Variants in GLB1L3 observed in about 807,000 individuals in gnomAD.
GLB1L3 encodes galactosidase beta 1 like 3.
GLB1L3 carries 89 observed loss-of-function variants against 89.5 expected under a neutral mutation model. The ratio of observed to expected loss-of-function variants is 0.99; its 90% CI spans 0.84 to 1.19. The LOEUF is 1.19. Among genes scored for constraint, GLB1L3 ranks in the 50% most tolerant of loss-of-function variants. The probability of loss-of-function intolerance (pLI) is 0.00; values close to 1 mark genes in which losing one functional copy is unlikely to be tolerated. For missense variants in GLB1L3, 812 were observed against 813.3 expected (o/e 1.00, Z 0.02); for synonymous variants, 314 against 312.3 (o/e 1.01, Z -0.06).
chr11:134,281,447 T>C lies in GLB1L3; in HGVS notation c.431+2T>C. 1 of 1,609,542 alleles carries C rather than the reference T, an allele frequency of 6.2e-7. No individual in the cohort carries two copies. Among genetic ancestry groups the C allele is most frequent in the Admixed American group, 1.7e-5 (1 of 59,814 alleles). On this transcript the variant is annotated splice_donor_variant, in intron 4 of 19. Transcript: ENST00000431683. LOFTEE classifies it high-confidence loss of function. ...CTTCTCTGGGAACCTGGACCTGGAG[T>C]ATGTGGTGTTGCTGCTTCTGTGCCC...
chr11:134,299,123 C>T (rs76096443), intron 9 of GLB1L3, among the ~76,000 whole-genome samples: 2,037 of 152,022 alleles, frequency 0.013, 51 homozygotes, highest in African/African-American at 0.047. Flanking sequence ...TTTTTCGTTT[C>T]TCTTGCTATG....
chr11:134,288,556 T>G (rs1479775402), intron 6 of GLB1L3, among the ~76,000 whole-genome samples: 1 of 152,112 alleles, frequency 6.6e-6, no homozygotes, highest in Non-Finnish European at 1.5e-5. Flanking sequence ...AAGTAGCCAG[T>G]GTGAGAACCA....
intron 9 of GLB1L3, among the ~76,000 whole-genome samples, chr11:134,293,537 C>T (rs1941474397): frequency 6.6e-6 from 1 of 152,048 alleles, no homozygotes; most frequent in Non-Finnish European, 1.5e-5. Flanking sequence ...GGAGGCCTCC[C>T]AGGGAGTTCT....
intron 5 of GLB1L3, 102 bp downstream of exon 5, chr11:134,282,222 G>A: frequency 7.4e-7 from 1 of 1,346,894 alleles, no homozygotes; most frequent in Non-Finnish European, 1.0e-6. Context: ...TTTATTCACG[G>A]AGCCGATGGG....
intron 10 of GLB1L3, 25 bp downstream of exon 10, chr11:134,307,233 C>G (rs376945771): frequency 6.5e-7 from 1 of 1,549,158 alleles, no homozygotes; most frequent in South Asian, 1.1e-5. Context: ...GTGTTTGACT[C>G]CAGGAAGAGA....
intron 10 of GLB1L3, 81 bp downstream of exon 10, chr11:134,307,289 T>C: frequency 3.1e-6 from 3 of 980,240 alleles, no homozygotes; most frequent in Non-Finnish European, 4.7e-6. Context: ...TCTCTGCTAA[T>C]TGATTCACTT....
At chr11:134,308,196 T>TCACCACCACCAC (rs1565412226) in intron 10 of GLB1L3, among the ~76,000 whole-genome samples, 16 of 68,812 alleles carry the variant, frequency 2.3e-4, no homozygotes, top group African/African-American at 4.2e-4. Flanking sequence ...ATCATCACCA[T>TCACCACCACCAC]CACCACTACC....
At chr11:134,281,284 A>T in intron 3 of GLB1L3, 93 bp from the exon 4 acceptor site, 1 of 1,368,958 alleles carries the variant, frequency 7.3e-7, no homozygotes, top group Non-Finnish European at 1.0e-6. Flanking sequence ...AAATAGAGCT[A>T]TGCATGGTTT....
Position 134,313,381 on chromosome 11 carries a change from G to T in GLB1L3, c.1501-15G>T. On this transcript the variant is annotated splice_polypyrimidine_tract_variant and intron_variant, in intron 15 of 19. Coordinates refer to ENST00000431683, the MANE Select transcript of GLB1L3 (RefSeq NM_001080407.3). ...CATGGCTGCGTGGTCTCCATGACCT[G>T]GCCTGTCCCAGCAGGACTGCCGATA... is the stretch of plus-strand genomic sequence containing the variant. The T allele has an allele frequency of 6.4e-7, 1 of 1,567,022 alleles. No individual in the cohort carries two copies. The highest frequency in any genetic ancestry group is 8.7e-7 in the Non-Finnish European group (1 of 1,155,318).
intron 3 of GLB1L3, among the ~76,000 whole-genome samples, chr11:134,279,614 C>A (rs1475957873): frequency 6.6e-6 from 1 of 152,160 alleles, no homozygotes; most frequent in South Asian, 2.1e-4. Context: ...GATCCGCCTG[C>A]CTCGGCCTCC....
chr11:134,296,556 A>G (rs1343124671), intron 9 of GLB1L3, among the ~76,000 whole-genome samples: 15 of 146,120 alleles, frequency 1.0e-4, no homozygotes, highest in African/African-American at 3.8e-4. Context: ...CATGGATGAA[A>G]TTGGAAATCA....
At chr11:134,296,557 T>G (rs1204790101) in intron 9 of GLB1L3, among the ~76,000 whole-genome samples, 1 of 144,564 alleles carries the variant, frequency 6.9e-6, no homozygotes, top group Non-Finnish European at 1.5e-5. Flanking sequence ...ATGGATGAAA[T>G]TGGAAATCAT....
intron 6 of GLB1L3, among the ~76,000 whole-genome samples, chr11:134,286,936 G>A (rs1425192667): frequency 1.3e-5 from 2 of 151,160 alleles, no homozygotes; most frequent in African/African-American, 2.4e-5. Flanking sequence ...CGAGGTGGGT[G>A]GATCACGAGG....
intron 18 of GLB1L3, among the ~76,000 whole-genome samples, chr11:134,315,683 T>C (rs1025461054): frequency 3.3e-5 from 5 of 152,194 alleles, no homozygotes; most frequent in Non-Finnish European, 7.3e-5. Context: ...CACTCTTTTT[T>C]CTTGATAATT....
rs1363030070 is a variant in GLB1L3 at position 134,278,879 on chromosome 11, T to C, written c.362+967T>C. ...GGACAATATAGTTTTTCTTCACTGT[T>C]CTTTTGAATTGCTGAATTACAACGG... is the stretch of plus-strand genomic sequence containing the variant. On this transcript the variant is annotated intron_variant, in intron 3 of 19. Transcript: ENST00000431683. Among the ~76,000 whole-genome samples the C allele has an allele frequency of 2.6e-5, 4 of 152,216 alleles. No individual in the cohort carries two copies. The East Asian group carries it at 7.7e-4, about 29-fold the overall frequency.
intron 10 of GLB1L3, 125 bp from the exon 11 acceptor site, chr11:134,309,501 G>T: frequency 3.6e-6 from 2 of 550,712 alleles, no homozygotes; most frequent in Non-Finnish European, 6.1e-6. Context: ...AATGTATATA[G>T]CCGTGAAGCG....
At chr11:134,308,203 TA>T in intron 10 of GLB1L3, among the ~76,000 whole-genome samples, 1 of 30,670 alleles carries the variant, frequency 3.3e-5, no homozygotes, top group East Asian at 1.1e-3. Flanking sequence ...CCATCACCAC[TA>T]CCACCACCAC....
In GLB1L3 at chr11:134,310,633, C is replaced by A. The variant is rs764373929; in HGVS notation, c.1162C>A (p.Leu388Ile). Residue 388 changes from leucine to isoleucine, a missense_variant, in exon 12 of 20, where the codon CTC becomes ATC. Leu to Ile is a conservative substitution (Grantham distance 5, BLOSUM62 2). This residue lies in a region of GLB1L3 where 618 missense variants were observed against 604.0 expected (regional missense o/e 1.02). Coordinates refer to ENST00000431683, the MANE Select transcript of GLB1L3 (RefSeq NM_001080407.3). ...YTEKYLKLQKLFQSVSATPLP... is the reference protein window; with the variant it reads ...YTEKYLKLQKIFQSVSATPLP... Reference sequence around the variant, plus strand: ...AGAAAAATATCTGAAGCTTCAAAAACTCTTTCAATCTGTCTCAGGTACTCA... The same window carrying A: ...AGAAAAATATCTGAAGCTTCAAAAAATCTTTCAATCTGTCTCAGGTACTCA... 29 of 1,612,746 alleles carry A rather than the reference C, an allele frequency of 1.8e-5. 1 individual carries two copies. The highest frequency in any genetic ancestry group is 1.6e-4 in the Middle Eastern group (1 of 6,084).
At chr11:134,308,538 CCACCATCACCAT>C (rs1222695777) in intron 10 of GLB1L3, among the ~76,000 whole-genome samples, 1 of 69,264 alleles carries the variant, frequency 1.4e-5, no homozygotes, top group Non-Finnish European at 3.4e-5. Flanking sequence ...ACCACTACCA[CCACCATCACCAT>C]CACCATCACC....
Sources: allele counts gnomAD v4.1 joint callset (sites outside exome capture counted in the v4.1 genomes callset), GRCh38; gene constraint gnomAD v4.1.1; regional missense constraint gnomAD v4.1.1; transcripts MANE v1.5; gene names NCBI Gene and HGNC (gene_info 2026-07-23, HGNC 2026-07-21).